Variants in ITPRID1 observed in about 807,000 individuals in gnomAD.
The protein encoded by ITPRID1 is ITPR interacting domain containing 1.
Under a neutral mutation model 95.4 loss-of-function variants are expected in ITPRID1, and 96 were observed. The observed-to-expected ratio is 1.01, with a 90% CI of 0.85 to 1.19. ITPRID1 has a LOEUF of 1.19. Among genes scored for constraint, ITPRID1 ranks in the 50% most tolerant of loss-of-function variants. ITPRID1 has a pLI of 0.00. For synonymous variants in ITPRID1, 510 were observed against 453.6 expected, an observed-to-expected ratio of 1.12 and a Z score of -1.58; for missense variants, 1,339 against 1,252.9, an observed-to-expected ratio of 1.07 and a Z score of -1.04.
intron 10 of ITPRID1, among the ~76,000 whole-genome samples, chr7:31,627,229 G>A (rs549633515): frequency 9.9e-5 from 15 of 152,256 alleles, no homozygotes; most frequent in Non-Finnish European, 2.1e-4. Context: ...GTAAATGATT[G>A]TTACATGAAT....
intron 10 of ITPRID1, among the ~76,000 whole-genome samples, chr7:31,600,496 T>C (rs927558698): frequency 1.3e-5 from 2 of 152,206 alleles, no homozygotes; most frequent in African/African-American, 4.8e-5. Flanking sequence ...AGGCCTACAG[T>C]TAAGGGACAA....
chr7:31,561,655 G>A (rs372388317), intron 5 of ITPRID1, among the ~76,000 whole-genome samples: 11 of 152,162 alleles, frequency 7.2e-5, no homozygotes, highest in African/African-American at 2.7e-4. Flanking sequence ...CTGTCTTCTG[G>A]CAAATGTTAG....
chr7:31,599,633 CTTTCTTTCTTTCTTTTTCTTTCTTTCCTT>C lies in ITPRID1; in HGVS notation c.1228+16444_1228+16472del, dbSNP rs1562598724. Among the ~76,000 whole-genome samples, 15 of 48,476 alleles carry C rather than the reference CTTTCTTTCTTTCTTTTTCTTTCTTTCCTT, an allele frequency of 3.1e-4. 1 individual carries two copies. The highest frequency in any genetic ancestry group is 7.7e-4 in the South Asian group (1 of 1,298). 31.8% of individuals were successfully genotyped at this position (48,476 alleles called of 152,430 possible). A position where few individuals can be genotyped will look rare whatever the true frequency, so the allele number is the denominator to read the frequency against. The stretch of plus-strand genomic sequence containing the variant: ...TCTTTCTTTCTTTCTTTCTTTCTTT[CTTTCTTTCTTTCTTTTTCTTTCTTTCCTT>C]TCTCTCTCTCTCTCTCTCTCTCTCT... On this transcript the variant is annotated intron_variant, in intron 10 of 14. Transcript: ENST00000615280.
chr7:31,602,930 T>C (rs923148585), intron 10 of ITPRID1, among the ~76,000 whole-genome samples: 1 of 139,140 alleles, frequency 7.2e-6, no homozygotes, highest in African/African-American at 2.6e-5. Flanking sequence ...TTAATAGTCA[T>C]GCTTAGCCAT....
chr7:31,634,612 A>G (rs564869440), intron 10 of ITPRID1, among the ~76,000 whole-genome samples: 10 of 152,248 alleles, frequency 6.6e-5, no homozygotes, highest in Non-Finnish European at 1.0e-4. Context: ...CTAGATTTCA[A>G]TAGCATCCAG....
At position 31,651,860 on chromosome 7, in the gene ITPRID1, CTA is replaced by C. The variant is rs1186009460; in HGVS notation, c.2712-75_2712-74del. The C allele has an allele frequency of 3.2e-6, 3 of 946,334 alleles. No individual in the cohort carries two copies. In the African/African-American group the frequency reaches 5.0e-5, roughly 16 times the overall value. The allele number at this position is 946,334 out of a possible 1,614,324, so 58.6% of individuals were successfully genotyped here. A position where few individuals can be genotyped will look rare whatever the true frequency, so the allele number is the denominator to read the frequency against. ...TTTTAAGAAATTGCAAAGGAAGAAC[CTA>C]TATTATGAGGTGACAATGGAAGATT... is the stretch of plus-strand genomic sequence containing the variant. On this transcript the variant is annotated intron_variant, in intron 13 of 14. Transcript: ENST00000615280.
chr7:31,609,807 TA>T (rs1191290931), intron 10 of ITPRID1, among the ~76,000 whole-genome samples: 1 of 151,572 alleles, frequency 6.6e-6, no homozygotes, highest in African/African-American at 2.4e-5. Context: ...CAATCTTTAT[TA>T]TTTTTTTTCA....
At chr7:31,634,312 C>A (rs1038830831) in intron 10 of ITPRID1, among the ~76,000 whole-genome samples, 1 of 151,978 alleles carries the variant, frequency 6.6e-6, no homozygotes, top group Admixed American at 6.5e-5. Flanking sequence ...ATTAATGATA[C>A]GAAGATTGAG....
At chr7:31,657,270 A>T (rs1171059511), downstream of ITPRID1, among the ~76,000 whole-genome samples, 1 of 151,886 alleles carries the variant, frequency 6.6e-6, no homozygotes, top group Non-Finnish European at 1.5e-5. Context: ...CTGATTTGTT[A>T]AATCAATGGT....
intron 8 of ITPRID1, among the ~76,000 whole-genome samples, chr7:31,575,476 T>TG (rs1338075578): frequency 2.0e-5 from 3 of 152,190 alleles, no homozygotes; most frequent in Non-Finnish European, 4.4e-5. Flanking sequence ...TTCTTGAGGG[T>TG]GCCTGTACTG....
At chr7:31,579,444 C>T (rs1337967553) in intron 9 of ITPRID1, among the ~76,000 whole-genome samples, 1 of 152,150 alleles carries the variant, frequency 6.6e-6, no homozygotes, top group Non-Finnish European at 1.5e-5. Context: ...GTAACAGAAT[C>T]TGCCTTGAAA....
At chr7:31,619,773 C>T (rs1326405428) in intron 10 of ITPRID1, among the ~76,000 whole-genome samples, 3 of 152,100 alleles carry the variant, frequency 2.0e-5, no homozygotes, top group East Asian at 2.0e-4. Flanking sequence ...GTGGGTGCAG[C>T]GCACCATGCA....
chr7:31,624,834 C>A (rs1234358294), intron 10 of ITPRID1, among the ~76,000 whole-genome samples: 1 of 152,116 alleles, frequency 6.6e-6, no homozygotes, highest in Non-Finnish European at 1.5e-5. Flanking sequence ...AGTGAACAGG[C>A]AACCCACAAA....
At chr7:31,649,407 A>G (rs1039971886) in intron 12 of ITPRID1, among the ~76,000 whole-genome samples, 3 of 152,192 alleles carry the variant, frequency 2.0e-5, no homozygotes, top group Admixed American at 1.3e-4. Context: ...CCAGCCTGCA[A>G]GATCAGTTTC....
intron 5 of ITPRID1, among the ~76,000 whole-genome samples, chr7:31,558,467 G>A (rs184101916): frequency 1.8e-4 from 27 of 152,156 alleles, no homozygotes; most frequent in African/African-American, 6.5e-4. Flanking sequence ...TTGATGTGGT[G>A]CAATACTAAC....
In ITPRID1 at chr7:31,571,979, A is replaced by G. The variant is rs1169787541; in HGVS notation, c.309-123A>G. On this transcript the variant is annotated intron_variant, in intron 6 of 14. Coordinates refer to ENST00000615280, the MANE Select transcript of ITPRID1 (RefSeq NM_001257967.3). ...TGTCTTCTGCAAAGGTGTGGTCATT[A>G]TGGGATTATTAGAGACTAAGAGGAA... 4.3e-5 allele frequency: 27 copies of G among 630,120 alleles called. 1 individual carries two copies. The highest frequency in any genetic ancestry group is 6.4e-5 in the Non-Finnish European group (23 of 360,208). The allele number at this position is 630,120 out of a possible 1,614,324, so 39.0% of individuals were successfully genotyped here.
At position 31,643,666 on chromosome 7, in the gene ITPRID1, G is replaced by A; in HGVS notation, c.2296G>A (p.Ala766Thr). ...AAATGATGCTTCCATTCAGACTTCA[G>A]CTCTAAGCAACAAGACCTTGACACA... ...QLNDASIQTS[A>T]LSNKTLTHGP... The change falls in exon 12 of 15, where the codon GCT (alanine) becomes ACT (threonine). Residue 766 changes from alanine (A) to threonine (T), a missense_variant. By Grantham distance (58) the Ala-to-Thr change is moderately conservative (BLOSUM62 0). Transcript: ENST00000615280. 1 of 1,614,054 alleles carries A rather than the reference G, an allele frequency of 6.2e-7. No individual in the cohort carries two copies. The highest frequency in any genetic ancestry group is 8.5e-7 in the Non-Finnish European group (1 of 1,179,896).
At chr7:31,625,781 AAC>A (rs910525873) in intron 10 of ITPRID1, among the ~76,000 whole-genome samples, 9 of 152,142 alleles carry the variant, frequency 5.9e-5, no homozygotes, top group African/African-American at 2.2e-4. Context: ...TTAAAAAAAA[AAC>A]AGTTAAAGAA....
intron 1 of ITPRID1, among the ~76,000 whole-genome samples, chr7:31,522,160 T>C (rs1251490809): frequency 6.6e-6 from 1 of 152,150 alleles, no homozygotes; most frequent in Non-Finnish European, 1.5e-5. Context: ...GTTTTTCATA[T>C]TTCTCCGATG....
Sources: gnomAD v4.1 joint callset for allele counts (sites outside exome capture counted in the v4.1 genomes callset) on GRCh38, gnomAD v4.1.1 for gene constraint, MANE v1.5 for transcripts, NCBI Gene and HGNC (gene_info 2026-07-23, HGNC 2026-07-21) for gene names.